FGF13: variants seen among roughly 807,000 people sequenced by gnomAD.
The protein encoded by FGF13 is fibroblast growth factor 13.
A neutral mutation model predicts 19.5 loss-of-function variants in FGF13; 2 were observed. The observed-to-expected ratio is 0.10, with a 90% CI of 0.04 to 0.32. The LOEUF is 0.32. Among genes scored for constraint, FGF13 ranks in the 10% least tolerant of loss-of-function variants. The pLI, the probability that FGF13 is intolerant of heterozygous loss-of-function variation, is 1.00. For missense variants in FGF13, 113 were observed against 192.7 expected, an observed-to-expected ratio of 0.59 and a Z score of 2.45; for synonymous variants, 72 against 76.9, an observed-to-expected ratio of 0.94 and a Z score of 0.33.
intron 1 of FGF13, among the ~76,000 whole-genome samples, chrX:139,173,255 C>T (rs543848358): frequency 6.3e-5 from 7 of 111,205 alleles, no homozygotes; most frequent in South Asian, 3.8e-4. Flanking sequence ...CTGCTGGCTA[C>T]GTCTTGGGCC....
chrX:138,753,232 T>C (rs890654980), intron 3 of FGF13, among the ~76,000 whole-genome samples: 1 of 112,239 alleles, frequency 8.9e-6, no homozygotes, highest in Non-Finnish European at 1.9e-5. Context: ...AGCTAAATGC[T>C]AGGAAAAGCT....
chrX:138,847,363 G>A (rs377069123), intron 3 of FGF13, among the ~76,000 whole-genome samples: 5 of 111,797 alleles, frequency 4.5e-5, no homozygotes, highest in African/African-American at 1.6e-4. Context: ...GTGGAAGTAC[G>A]CTCTCTTCCC....
At position 138,619,734 on chromosome X, in the gene FGF13, A is replaced by G. The variant is rs2088999828; in HGVS notation, c.*13116T>C. Reference sequence around the variant, plus strand: ...TGAAAAAAGTTCAACATCACTGATCATTAAAGAAATGCAAATCAGAACCAC... The same window carrying G: ...TGAAAAAAGTTCAACATCACTGATCGTTAAAGAAATGCAAATCAGAACCAC... On this transcript the variant is annotated 3_prime_UTR_variant, in exon 5 of 5. Coordinates refer to ENST00000315930, the MANE Select transcript of FGF13 (RefSeq NM_004114.5). The G allele has an allele frequency of 8.9e-6, 1 of 112,385 alleles. No homozygotes were observed. The highest frequency in any genetic ancestry group is 1.9e-5 in the Non-Finnish European group (1 of 53,291). The allele number at this position is 112,385 out of a possible 1,213,427, so 9.3% of individuals were successfully genotyped here. A position where few individuals can be genotyped will look rare whatever the true frequency, so the allele number is the denominator to read the frequency against.
intron 3 of FGF13, among the ~76,000 whole-genome samples, chrX:138,828,385 G>A (rs1419401517): frequency 1.8e-5 from 2 of 109,688 alleles, no homozygotes; most frequent in East Asian, 2.9e-4. Flanking sequence ...TGGCTAACAC[G>A]GTGAAACCCC....
intron 3 of FGF13, among the ~76,000 whole-genome samples, chrX:138,691,089 T>G (rs1175160093): frequency 9.0e-6 from 1 of 111,382 alleles, no homozygotes; most frequent in Non-Finnish European, 1.9e-5. Flanking sequence ...GACTGGGCTC[T>G]CTGAGACTTG....
chrX:139,064,281 CTTTTTTTTTTTTTTTTTTTT>C (rs139084376), intron 1 of FGF13, among the ~76,000 whole-genome samples: 5 of 23,161 alleles, frequency 2.2e-4, no homozygotes, highest in Admixed American at 8.1e-4. Context: ...CTTTTTTTTT[CTTTTTTTTTTTTTTTTTTTT>C]TTTTTTTTTT....
At chrX:138,965,227 C>A (rs776796487) in intron 1 of FGF13, among the ~76,000 whole-genome samples, 3 of 112,262 alleles carry the variant, frequency 2.7e-5, no homozygotes, top group African/African-American at 9.7e-5. Flanking sequence ...ATGTCAACTC[C>A]CTTACTCATC....
intron 3 of FGF13, among the ~76,000 whole-genome samples, chrX:138,747,058 G>T (rs770813772): frequency 1.8e-5 from 2 of 111,797 alleles, no homozygotes; most frequent in South Asian, 7.5e-4. Context: ...ACACTCCCAA[G>T]GGCCTGATCT....
At chrX:138,800,395 AT>A (rs1275446703) in intron 3 of FGF13, among the ~76,000 whole-genome samples, 1 of 111,755 alleles carries the variant, frequency 8.9e-6, no homozygotes, top group Non-Finnish European at 1.9e-5. Flanking sequence ...AATGTTGAAT[AT>A]TGGACCCCAC....
At chrX:138,934,153 T>C (rs1463818429) in intron 1 of FGF13, among the ~76,000 whole-genome samples, 1 of 111,925 alleles carries the variant, frequency 8.9e-6, no homozygotes, top group East Asian at 2.8e-4. Flanking sequence ...CTCTGCAAAG[T>C]TCTCTGAGCA....
At chrX:139,105,866 A>C (rs2083555598) in intron 1 of FGF13, among the ~76,000 whole-genome samples, 2 of 112,292 alleles carry the variant, frequency 1.8e-5, no homozygotes, top group South Asian at 7.4e-4. Context: ...AGATTACAAT[A>C]GGGCTTTTTT....
intron 3 of FGF13, among the ~76,000 whole-genome samples, chrX:138,644,468 C>T (rs752897580): frequency 9.7e-4 from 107 of 110,009 alleles, no homozygotes; most frequent in South Asian, 2.4e-3. Flanking sequence ...TTAGTAGAGA[C>T]GGGGTTTTAC....
At chrX:138,766,539 A>G (rs1411909294) in intron 3 of FGF13, among the ~76,000 whole-genome samples, 1 of 112,321 alleles carries the variant, frequency 8.9e-6, no homozygotes, top group Non-Finnish European at 1.9e-5. Flanking sequence ...TAGAAGTCAA[A>G]TAACGCAACC....
chrX:138,722,592 G>A (rs2090155331), intron 1 of FGF13, among the ~76,000 whole-genome samples: 3 of 110,831 alleles, frequency 2.7e-5, no homozygotes, highest in African/African-American at 9.8e-5. Flanking sequence ...ACCTGCTCCC[G>A]GGTTTTGATG....
chrX:138,967,578 G>A (rs2091900094), intron 1 of FGF13, among the ~76,000 whole-genome samples: 1 of 110,649 alleles, frequency 9.0e-6, no homozygotes, highest in African/African-American at 3.3e-5. Context: ...GAGGCCTAAA[G>A]AAGATGGAAA....
At chrX:139,065,481 C>CAAAAAAAAAA (rs767805587) in intron 1 of FGF13, among the ~76,000 whole-genome samples, 3 of 30,752 alleles carry the variant, frequency 9.8e-5, no homozygotes, top group African/African-American at 2.8e-4. Flanking sequence ...AAACGGAAAG[C>CAAAAAAAAAA]AAAAAAAAAA....
At chrX:139,150,896 C>T (rs1462664299) in intron 1 of FGF13, among the ~76,000 whole-genome samples, 1 of 110,989 alleles carries the variant, frequency 9.0e-6, no homozygotes, top group Non-Finnish European at 1.9e-5. Context: ...GTTTCAGCGG[C>T]CCACAAAGGG....
intron 3 of FGF13, among the ~76,000 whole-genome samples, chrX:138,756,436 T>C (rs1335999363): frequency 1.8e-5 from 2 of 112,479 alleles, no homozygotes; most frequent in African/African-American, 6.5e-5. Context: ...GTGCTGGCTA[T>C]TAGCAGGCAG....
rs184717382 is a variant in FGF13, at chrX:139,080,994, G to A, written c.-113+122422C>T. Among the ~76,000 whole-genome samples the A allele has an allele frequency of 1.4e-4, 15 of 110,506 alleles. No individual in the cohort carries two copies. In the East Asian group the frequency reaches 4.3e-3, roughly 32 times the overall value. Reference sequence around the variant, plus strand: ...TTTAAAAAATATAAACCTATTCCTTGACTACGCATTCTCCCTCCTCCAGCC... The same window carrying A: ...TTTAAAAAATATAAACCTATTCCTTAACTACGCATTCTCCCTCCTCCAGCC... On this transcript the variant is annotated intron_variant, in intron 1 of 2. Coordinates refer to the FGF13 transcript ENST00000421460.
Sources: gnomAD v4.1 joint callset for allele counts (sites outside exome capture counted in the v4.1 genomes callset) on GRCh38, gnomAD v4.1.1 for gene constraint, MANE v1.5 for transcripts, NCBI Gene and HGNC (gene_info 2026-07-23, HGNC 2026-07-21) for gene names.